The following ENPEP variants were observed in gnomAD, a reference collection of about 807,000 sequenced individuals.
The protein encoded by ENPEP is AP-A.
A neutral mutation model predicts 114.5 loss-of-function variants in ENPEP; 103 were observed. The ratio of observed to expected loss-of-function variants is 0.90; its 90% CI spans 0.77 to 1.06. The LOEUF (loss-of-function observed/expected upper bound fraction) is 1.06, where lower values mean the gene tolerates loss of function less well. ENPEP is among the 50% of genes least tolerant of loss of function. ENPEP has a pLI of 0.00. For missense variants in ENPEP, 1,196 were observed against 1,161.3 expected (o/e 1.03, Z -0.43); for synonymous variants, 420 against 422.0 (o/e 1.00, Z 0.06).
chr4:110,510,284 T>A lies in ENPEP; in HGVS notation c.1234T>A (p.Leu412Met), dbSNP rs745325292. ...TGTGACCATGGACTGGTGGGAAGAC[T>A]TGTGGCTAAATGAAGGATTTGCTTC... ...NIVTMDWWED[L>M]WLNEGFASFF... Residue 412 changes from leucine (L) to methionine (M), a missense_variant, in exon 6 of 20, where the codon TTG becomes ATG. Coordinates refer to ENST00000265162, the MANE Select transcript of ENPEP (RefSeq NM_001977.4). 1 of 1,614,162 alleles carries A rather than the reference T, an allele frequency of 6.2e-7. No homozygotes were observed. Among genetic ancestry groups the A allele is most frequent in the African/African-American group, 1.3e-5 (1 of 75,034 alleles).
chr4:110,513,182 G>T, intron 6 of ENPEP: 1 of 318,056 alleles, frequency 3.1e-6, no homozygotes, highest in South Asian at 7.2e-5. Context: ...AGAAGTTGAT[G>T]TCTTCTCGGC....
chr4:110,484,788 A>G (rs1320392455), intron 1 of ENPEP, among the ~76,000 whole-genome samples: 2 of 139,690 alleles, frequency 1.4e-5, no homozygotes, highest in Non-Finnish European at 3.1e-5. Context: ...ATATATATTC[A>G]TATTCTGGCA....
At chr4:110,490,017 GAAGA>G (rs1279431948) in intron 2 of ENPEP, among the ~76,000 whole-genome samples, 1 of 152,168 alleles carries the variant, frequency 6.6e-6, no homozygotes, top group Non-Finnish European at 1.5e-5. Context: ...TTTGATTGGA[GAAGA>G]AAGAGGAAAG....
At chr4:110,561,190 G>T (rs1381328941) in intron 19 of ENPEP, among the ~76,000 whole-genome samples, 1 of 152,162 alleles carries the variant, frequency 6.6e-6, no homozygotes. Flanking sequence ...AGCCTATTTT[G>T]GCTTGACATG....
intron 18 of ENPEP, among the ~76,000 whole-genome samples, chr4:110,554,683 G>T (rs1047583647): frequency 6.6e-6 from 1 of 151,962 alleles, no homozygotes; most frequent in South Asian, 2.1e-4. Context: ...ATCATGCAAG[G>T]TAATACCCTC....
At chr4:110,482,282 C>T (rs1209169550) in intron 1 of ENPEP, among the ~76,000 whole-genome samples, 2 of 152,148 alleles carry the variant, frequency 1.3e-5, no homozygotes, top group Non-Finnish European at 2.9e-5. Context: ...CAAGATTTGA[C>T]GATTGCTTGA....
At position 110,506,757 on chromosome 4, in the gene ENPEP, G is replaced by A. The variant is rs761210119; in HGVS notation, c.1039G>A (p.Asp347Asn). 6.5e-7 allele frequency: 1 copy of A among 1,542,336 alleles called. No individual in the cohort carries two copies. The highest frequency in any genetic ancestry group is 8.8e-7 in the Non-Finnish European group (1 of 1,133,104). Reference protein sequence around the residue: ...FAMNYSLPKLDKIAIPDFGTG... With the variant: ...FAMNYSLPKLNKIAIPDFGTG... ...TATGAATTATTCTCTTCCTAAATTA[G>A]GTGAGGATCATTTTTTAATTTTCTT... The change falls in exon 4 of 20, where the codon GAT becomes AAT. Residue 347 changes from aspartate to asparagine, a missense_variant and splice_region_variant. Physicochemically the swap from Asp to Asn is conservative, Grantham distance 23. Coordinates refer to ENST00000265162, the MANE Select transcript of ENPEP (RefSeq NM_001977.4).
intron 9 of ENPEP, 42 bp from the exon 10 acceptor site, chr4:110,520,173 T>C (rs1578405594): frequency 6.2e-7 from 1 of 1,601,034 alleles, no homozygotes; most frequent in Non-Finnish European, 8.5e-7. Flanking sequence ...TATTTTCTCA[T>C]ATTTGTTAAT....
rs927322158 is a variant in ENPEP, at chr4:110,508,810, CA to C, written c.1040-834del. ...TGGGCAACAGAGCGAGACTCTGTCT[CA>C]AAAAAAAAGAAAGAATATTTATTTT... On this transcript the variant is annotated intron_variant, in intron 4 of 19. Coordinates refer to ENST00000265162, the MANE Select transcript of ENPEP (RefSeq NM_001977.4). 5.2e-3 allele frequency among the ~76,000 whole-genome samples: 784 copies of C among 150,072 alleles called. 4 individuals carry two copies. Among genetic ancestry groups the C allele is most frequent in the African/African-American group, 0.019 (760 of 40,898 alleles).
At chr4:110,536,422 G>T (rs1307859821) in intron 11 of ENPEP, among the ~76,000 whole-genome samples, 2 of 152,110 alleles carry the variant, frequency 1.3e-5, no homozygotes, top group Non-Finnish European at 2.9e-5. Context: ...TGGTTCTTTT[G>T]CATCTAGCTC....
In ENPEP at chr4:110,484,744, ATATTATATTTTATATATATATTATAT is replaced by A. The variant is rs1724439010; in HGVS notation, c.645-3793_645-3768del. Among the ~76,000 whole-genome samples the A allele has an allele frequency of 2.2e-5, 3 of 138,858 alleles. 1 individual carries two copies. In the South Asian group the frequency reaches 6.5e-4, roughly 30 times the overall value. The allele number at this position is 138,858 out of a possible 152,430, so 91.1% of individuals were successfully genotyped here. A position where few individuals can be genotyped will look rare whatever the true frequency, so the allele number is the denominator to read the frequency against. ...CTTAGGAATATATATTATATATATTATATTATATTTTATATATATATTATATTATATATATATATATTCATATTCTG... is the reference window on the plus strand; with the variant it reads ...CTTAGGAATATATATTATATATATTATATATATATATATATTCATATTCTG... On this transcript the variant is annotated intron_variant, in intron 1 of 19. Coordinates refer to ENST00000265162, the MANE Select transcript of ENPEP (RefSeq NM_001977.4).
rs540282691 is a variant in ENPEP, at chr4:110,479,470, G to A, written c.644+2412G>A. ...CAAAACTACCTGTGTATAAATGCATGTATGTCTGTGTATATATGTGTACAT... is the reference window on the plus strand; with the variant it reads ...CAAAACTACCTGTGTATAAATGCATATATGTCTGTGTATATATGTGTACAT... On this transcript the variant is annotated intron_variant, in intron 1 of 19. Transcript: ENST00000265162. 9.9e-5 allele frequency among the ~76,000 whole-genome samples: 15 copies of A among 152,216 alleles called. No homozygotes were observed. In the East Asian group the frequency reaches 1.7e-3, roughly 18 times the overall value.
intron 1 of ENPEP, among the ~76,000 whole-genome samples, chr4:110,480,630 T>C (rs967636408): frequency 2.6e-5 from 4 of 152,242 alleles, no homozygotes; most frequent in Admixed American, 6.5e-5. Flanking sequence ...TTGCACTCAG[T>C]AGTAACCAAA....
At chr4:110,552,004 C>T (rs1418319477) in intron 17 of ENPEP, among the ~76,000 whole-genome samples, 1 of 152,112 alleles carries the variant, frequency 6.6e-6, no homozygotes, top group Non-Finnish European at 1.5e-5. Flanking sequence ...AAGCAGTGGT[C>T]CCAGTCACTT....
intron 1 of ENPEP, among the ~76,000 whole-genome samples, chr4:110,483,393 G>T (rs191065210): frequency 6.6e-6 from 1 of 152,156 alleles, no homozygotes; most frequent in Admixed American, 6.5e-5. Flanking sequence ...TTATAAAATT[G>T]CTCAGCACAG....
rs1727740168 is a variant in ENPEP at position 110,563,456 on chromosome 4, T to C, written c.*1898T>C. On this transcript the variant is annotated 3_prime_UTR_variant, in exon 20 of 20. Transcript: ENST00000265162. ...CACACGCGAAAGAGTTGTATGTACT[T>C]TGTCAGAATAAGTCTTCTAGACCAT... The C allele has an allele frequency of 6.6e-6, 1 of 152,186 alleles. No homozygotes were observed. The highest frequency in any genetic ancestry group is 1.5e-5 in the Non-Finnish European group (1 of 68,020). 9.4% of individuals were successfully genotyped at this position (152,186 alleles called of 1,614,324 possible).
intron 1 of ENPEP, 40 bp from the exon 2 acceptor site, chr4:110,488,501 G>C: frequency 6.4e-7 from 1 of 1,559,188 alleles, no homozygotes; most frequent in Non-Finnish European, 8.7e-7. Context: ...TGTCAGAAGA[G>C]GCAGCATGCA....
chr4:110,509,858 C>A, intron 5 of ENPEP, 51 bp downstream of exon 5: 1 of 1,557,780 alleles, frequency 6.4e-7, no homozygotes, highest in Non-Finnish European at 8.6e-7. Flanking sequence ...TGGCTTAAGA[C>A]CACAGGAATA....
intron 18 of ENPEP, among the ~76,000 whole-genome samples, chr4:110,558,264 TA>T (rs1727554368): frequency 1.0e-5 from 1 of 96,598 alleles, no homozygotes; most frequent in Non-Finnish European, 1.9e-5. Flanking sequence ...TTAATATTTA[TA>T]AAAATTATAT....
Sources: gnomAD v4.1 joint callset for allele counts (sites outside exome capture counted in the v4.1 genomes callset) on GRCh38, gnomAD v4.1.1 for gene constraint, MANE v1.5 for transcripts, NCBI Gene and HGNC (gene_info 2026-07-23, HGNC 2026-07-21) for gene names.